Variants in GPS2 observed in about 807,000 individuals in gnomAD.
GPS2 encodes G protein pathway suppressor 2.
Under a neutral mutation model 48.1 loss-of-function variants are expected in GPS2, and 22 were observed. The ratio of observed to expected loss-of-function variants is 0.46; its 90% CI spans 0.33 to 0.65. The LOEUF is 0.65. Among genes scored for constraint, GPS2 ranks in the 30% least tolerant of loss-of-function variants. The pLI is 0.03. For synonymous variants in GPS2, 202 were observed against 142.5 expected (o/e 1.42, Z -2.98); for missense variants, 366 against 406.8 (o/e 0.90, Z 0.86).
rs1472573641 is a variant in GPS2, at chr17:7,314,949, C to T, written c.94+10G>A. ...GGGCCGTGCGTCCCCCTGCTATGGCCCCGGCTCACCCTGCCGCTTGCGCTC... is the reference window on the plus strand; with the variant it reads ...GGGCCGTGCGTCCCCCTGCTATGGCTCCGGCTCACCCTGCCGCTTGCGCTC... On this transcript the variant is annotated intron_variant, in intron 2 of 10. Transcript: ENST00000380728. The T allele has an allele frequency of 3.2e-6, 5 of 1,567,428 alleles. No homozygotes were observed. Among genetic ancestry groups the T allele is most frequent in the Admixed American group, 1.9e-5 (1 of 53,520 alleles).
rs2072884463 is a variant in GPS2 at position 7,313,100 on chromosome 17, G to T, written c.829C>A (p.Gln277Lys). 1.3e-6 allele frequency: 2 copies of T among 1,585,618 alleles called. No individual in the cohort carries two copies. Among genetic ancestry groups the T allele is most frequent in the South Asian group, 2.3e-5 (2 of 87,210 alleles). The change falls in exon 10 of 11, where the codon CAG becomes AAG. Residue 277 changes from glutamine to lysine, a missense_variant. By Grantham distance (53) the Gln-to-Lys change is moderately conservative. Coordinates refer to ENST00000380728, the MANE Select transcript of GPS2 (RefSeq NM_004489.5). ...AGTCCAGGGGCTGGATGCAGAGCCT[G>T]GGGGTGCATGGGGCGCAGAGAGGAC... The part of the protein sequence containing the change: ...DSSSLRPMHP[Q>K]ALHPAPGLLA...
intron 2 of GPS2, 64 bp downstream of exon 2, chr17:7,314,895 G>A: frequency 6.6e-7 from 1 of 1,525,802 alleles, no homozygotes; most frequent in South Asian, 1.2e-5. Flanking sequence ...GGTGGGTTGA[G>A]GCCAGCCTTG....
chr17:7,315,141 G>T, intron 1 of GPS2, 22 bp from the exon 2 acceptor site: 1 of 984,724 alleles, frequency 1.0e-6, no homozygotes, highest in Non-Finnish European at 1.4e-6. Context: ...CGGGCGCTCA[G>T]AGGGGGCCGC....
rs1412528071 is a variant in GPS2, at chr17:7,314,166, T to G, written c.318-7A>C. 13 of 1,610,930 alleles carry G rather than the reference T, an allele frequency of 8.1e-6. No individual in the cohort carries two copies. Among genetic ancestry groups the G allele is most frequent in the Non-Finnish European group, 1.1e-5 (13 of 1,178,452 alleles). On this transcript the variant is annotated splice_polypyrimidine_tract_variant and splice_region_variant and intron_variant, in intron 4 of 10. Transcript: ENST00000380728. ...TGTTAGGGTGGTCAGGTCACTGGAG[T>G]GAAAGGAAGACAGGTCAAAGTCAAG...
At chr17:7,313,826 A>AT in intron 6 of GPS2, 80 bp downstream of exon 6, 1 of 1,567,298 alleles carries the variant, frequency 6.4e-7, no homozygotes, top group Non-Finnish European at 8.8e-7. Context: ...TAAGTGCTTG[A>AT]TATGTTTGTG....
intron 7 of GPS2, 33 bp downstream of exon 7, chr17:7,313,532 TGAG>T (rs1436089133): frequency 6.2e-7 from 1 of 1,613,308 alleles, no homozygotes; most frequent in East Asian, 2.2e-5. Context: ...CCTTTGACCT[TGAG>T]GAAGGCCAAG....
At chr17:7,312,970 T>G in intron 10 of GPS2, 59 bp downstream of exon 10, 1 of 1,482,580 alleles carries the variant, frequency 6.7e-7, no homozygotes, top group Non-Finnish European at 9.3e-7. Flanking sequence ...TACCTAATCC[T>G]GCTTTTCCGG....
chr17:7,313,188 G>C, intron 9 of GPS2, 24 bp downstream of exon 9: 1 of 1,612,056 alleles, frequency 6.2e-7, no homozygotes, highest in Non-Finnish European at 8.5e-7. Context: ...CCCTAACCCT[G>C]ACCTCCCAAG....
rs746882992 is a variant in GPS2, at chr17:7,313,484, G to A, written c.635-15C>T. On this transcript the variant is annotated splice_polypyrimidine_tract_variant and intron_variant, in intron 7 of 10. Transcript: ENST00000380728. The stretch of plus-strand genomic sequence containing the variant: ...TGCCGAAGGAGCTGAGAAAGGAAAA[G>A]ACAGAGCCATTAAAATCTTTTACTG... The A allele has an allele frequency of 1.9e-6, 3 of 1,614,024 alleles. No individual in the cohort carries two copies. The highest frequency in any genetic ancestry group is 2.5e-6 in the Non-Finnish European group (3 of 1,179,892).
rs555154090 is a variant in GPS2, at chr17:7,313,336, G to A, written c.724+44C>T. ...ATGTGAGATGAGAATGAAACAGGGA[G>A]GGGAGGACCTGAGAGCTAGAGCTCC... is the stretch of plus-strand genomic sequence containing the variant. On this transcript the variant is annotated intron_variant, in intron 8 of 10. Transcript: ENST00000380728. The A allele has an allele frequency of 8.1e-6, 13 of 1,610,800 alleles. No homozygotes were observed. In the African/African-American group the frequency reaches 1.1e-4, roughly 13 times the overall value.
At position 7,314,497 on chromosome 17, in the gene GPS2, G is replaced by T. The variant is rs1467446404; in HGVS notation, c.195C>A (p.Thr65=). The T allele has an allele frequency of 1.2e-6, 2 of 1,614,072 alleles. No homozygotes were observed. The highest frequency in any genetic ancestry group is 4.5e-5 in the East Asian group (2 of 44,886). The change falls in exon 3 of 11, where the codon ACC becomes ACA. Residue 65 remains threonine (T), a synonymous_variant. Coordinates refer to ENST00000380728, the MANE Select transcript of GPS2 (RefSeq NM_004489.5). The part of the protein sequence containing the change: ...EMEERMSLEE[T]KEQILKLEEK... Reference sequence around the variant, plus strand: ...TCAAGGGACTGCTTACTTGTTCCTTGGTCTCCTCTAATGACATTCTCTCTT... The same window carrying T: ...TCAAGGGACTGCTTACTTGTTCCTTTGTCTCCTCTAATGACATTCTCTCTT...
intron 2 of GPS2, 71 bp downstream of exon 2, chr17:7,314,888 G>T: frequency 6.0e-6 from 9 of 1,505,162 alleles, no homozygotes; most frequent in East Asian, 2.4e-5. Context: ...GTTGGCCGGT[G>T]GGTTGAGGCC....
rs1278864175 is a variant in GPS2, at chr17:7,313,299, G to A, written c.725-8C>T. ...CACCAGGCTGGAGGAAACCTAGGTG[G>A]GGAAGAGGGGCATGTGAGATGAGAA... On this transcript the variant is annotated splice_polypyrimidine_tract_variant and splice_region_variant and intron_variant, in intron 8 of 10. Coordinates refer to ENST00000380728, the MANE Select transcript of GPS2 (RefSeq NM_004489.5). 5 of 1,613,454 alleles carry A rather than the reference G, an allele frequency of 3.1e-6. No homozygotes were observed. In the African/African-American group the frequency reaches 5.3e-5, roughly 17 times the overall value.
chr17:7,314,697 T>G, intron 2 of GPS2, 100 bp from the exon 3 acceptor site: 1 of 1,588,566 alleles, frequency 6.3e-7, no homozygotes, highest in Non-Finnish European at 8.5e-7. Flanking sequence ...AACACGCCTG[T>G]ATGCTCTTTG....
In GPS2 at chr17:7,313,838, CTT is replaced by C; in HGVS notation, c.480+66_480+67del. On this transcript the variant is annotated intron_variant, in intron 6 of 10. Coordinates refer to ENST00000380728, the MANE Select transcript of GPS2 (RefSeq NM_004489.5). ...ACTTAAGTGCTTGATATGTTTGTGA[CTT>C]GAATACTGGTGGCAAGGATGCATGG... 5.1e-6 allele frequency: 8 copies of C among 1,569,188 alleles called. No individual in the cohort carries two copies. In the Admixed American group the frequency reaches 1.3e-4, roughly 26 times the overall value.
chr17:7,314,807 A>G, intron 2 of GPS2, 152 bp downstream of exon 2: 1 of 1,279,186 alleles, frequency 7.8e-7, no homozygotes, highest in East Asian at 2.3e-5. Context: ...TGGAGCGTGG[A>G]ACAGGACGCT....
In GPS2 at chr17:7,314,167, G is replaced by A; in HGVS notation, c.318-8C>T. 2 of 1,610,652 alleles carry A rather than the reference G, an allele frequency of 1.2e-6. No homozygotes were observed. The highest frequency in any genetic ancestry group is 1.7e-6 in the Non-Finnish European group (2 of 1,178,238). ...GTTAGGGTGGTCAGGTCACTGGAGT[G>A]AAAGGAAGACAGGTCAAAGTCAAGG... On this transcript the variant is annotated splice_polypyrimidine_tract_variant and splice_region_variant and intron_variant, in intron 4 of 10. Transcript: ENST00000380728.
Position 7,312,735 on chromosome 17 carries a change from G to T in GPS2, c.*21C>A. ...CCCACGATGGGGTGGGGGGTGTGGT[G>T]TTGAAGATATAATCTGATGGTCACT... is the stretch of plus-strand genomic sequence containing the variant. On this transcript the variant is annotated 3_prime_UTR_variant, in exon 11 of 11. Transcript: ENST00000380728. 3 of 1,591,792 alleles carry T rather than the reference G, an allele frequency of 1.9e-6. No individual in the cohort carries two copies. The highest frequency in any genetic ancestry group is 2.6e-6 in the Non-Finnish European group (3 of 1,159,624).
intron 5 of GPS2, 39 bp from the exon 6 acceptor site, chr17:7,314,027 G>A (rs374085583): frequency 8.6e-5 from 138 of 1,610,010 alleles, no homozygotes; most frequent in Non-Finnish European, 1.2e-4. Context: ...TGAAATGGGA[G>A]GCTGTGACCT....
Sources: allele counts gnomAD v4.1 joint callset, GRCh38; gene constraint gnomAD v4.1.1; transcripts MANE v1.5; gene names NCBI Gene and HGNC (gene_info 2026-07-23, HGNC 2026-07-21).